Variants in OR7E24 observed in about 807,000 individuals in gnomAD.
OR7E24 encodes the protein olfactory receptor family 7 subfamily E member 24, also known as olfactory receptor 7E24.
For missense variants in OR7E24, 385 were observed against 410.3 expected (o/e 0.94, Z 0.53); for synonymous variants, 130 against 157.5 (o/e 0.83, Z 1.31).
upstream of OR7E24, chr19:9,247,225 G>A: frequency 2.7e-6 from 1 of 364,238 alleles, no homozygotes; most frequent in Non-Finnish European, 4.9e-6. Flanking sequence ...TGTTAATATG[G>A]GGCAGTCCTT....
At chr19:9,220,964 G>C in the OR7E24 span, among the ~76,000 whole-genome samples, 1 of 152,092 alleles carries the variant, frequency 6.6e-6, no homozygotes, top group Admixed American at 6.5e-5. Context: ...GATGATTAGT[G>C]AAGTTAAACC....
At chr19:9,243,599 G>A (rs2066121819), upstream of OR7E24, among the ~76,000 whole-genome samples, 1 of 152,134 alleles carries the variant, frequency 6.6e-6, no homozygotes, top group Non-Finnish European at 1.5e-5. Context: ...GTGAACCACT[G>A]CACCTGGCAG....
chr19:9,217,575 G>A, the OR7E24 span, among the ~76,000 whole-genome samples: 74 of 152,274 alleles, frequency 4.9e-4, no homozygotes, highest in African/African-American at 1.7e-3. Flanking sequence ...ATCTCGATCT[G>A]TTGCCCAGGC....
At chr19:9,229,998 G>A in the OR7E24 span, among the ~76,000 whole-genome samples, 5 of 151,992 alleles carry the variant, frequency 3.3e-5, no homozygotes, top group South Asian at 1.0e-3. Context: ...AGAGTAATAA[G>A]CCTAGACAGT....
At chr19:9,211,124 C>G in the OR7E24 span, 3 of 152,320 alleles carry the variant, frequency 2.0e-5, no homozygotes, top group Admixed American at 6.5e-5. Context: ...TCCCTTGCTT[C>G]CCTGCACTGA....
At chr19:9,230,335 G>A in the OR7E24 span, among the ~76,000 whole-genome samples, 5 of 152,074 alleles carry the variant, frequency 3.3e-5, no homozygotes, top group Non-Finnish European at 5.9e-5. Flanking sequence ...GTGAGCCACC[G>A]CGCCCAGCCT....
At chr19:9,237,126 A>G in the OR7E24 span, among the ~76,000 whole-genome samples, 1 of 152,140 alleles carries the variant, frequency 6.6e-6, no homozygotes, top group African/African-American at 2.4e-5. Context: ...TGGTTCATTC[A>G]TAAAATTCAT....
chr19:9,249,341 T>G (rs187507982), upstream of OR7E24, among the ~76,000 whole-genome samples: 107 of 152,304 alleles, frequency 7.0e-4, no homozygotes, highest in African/African-American at 2.4e-3. Context: ...CCTTCCTTAG[T>G]TCACAAAACT....
At chr19:9,236,591 T>G in the OR7E24 span, among the ~76,000 whole-genome samples, 1 of 147,896 alleles carries the variant, frequency 6.8e-6, no homozygotes, top group African/African-American at 2.5e-5. Context: ...TGGCCAAAAC[T>G]GCAATGACTT....
the OR7E24 span, chr19:9,214,022 G>T: frequency 6.2e-7 from 1 of 1,614,104 alleles, no homozygotes; most frequent in Non-Finnish European, 8.5e-7. Context: ...CTGAGGCGGT[G>T]GAGCTGCTCT....
At chr19:9,226,776 T>C in the OR7E24 span, among the ~76,000 whole-genome samples, 1 of 152,360 alleles carries the variant, frequency 6.6e-6, no homozygotes, top group Admixed American at 6.5e-5. Context: ...TTACAGCCTT[T>C]AGAAGCCAAG....
the OR7E24 span, among the ~76,000 whole-genome samples, chr19:9,233,739 C>T: frequency 2.0e-5 from 3 of 152,208 alleles, no homozygotes; most frequent in African/African-American, 4.8e-5. Context: ...ATGTTAAGAA[C>T]GGAAGCTCAC....
chr19:9,241,623 G>T, the OR7E24 span, among the ~76,000 whole-genome samples: 1 of 152,128 alleles, frequency 6.6e-6, no homozygotes, highest in South Asian at 2.1e-4. Context: ...AATTAGCTGG[G>T]TGTGGTGGTG....
At position 9,252,225 on chromosome 19, in the gene OR7E24, G is replaced by T; in HGVS notation, c.*162G>T. 1 of 605,460 alleles carries T rather than the reference G, an allele frequency of 1.7e-6. No individual in the cohort carries two copies. The highest frequency in any genetic ancestry group is 2.9e-5 in the East Asian group (1 of 34,880). 37.5% of individuals were successfully genotyped at this position (605,460 alleles called of 1,614,324 possible). ...ATGGGTGAGTATTCTGGTATCCTTT[G>T]TTCATCATACACATCATGAATGATT... On this transcript the variant is annotated 3_prime_UTR_variant, in exon 1 of 1. Transcript: ENST00000456448.
chr19:9,226,960 A>G, the OR7E24 span, among the ~76,000 whole-genome samples: 8 of 152,098 alleles, frequency 5.3e-5, no homozygotes, highest in Non-Finnish European at 1.2e-4. Context: ...ACTGGGTCAT[A>G]GGGGTTTGTT....
chr19:9,226,887 C>T, the OR7E24 span, among the ~76,000 whole-genome samples: 1 of 152,120 alleles, frequency 6.6e-6, no homozygotes, highest in Non-Finnish European at 1.5e-5. Context: ...ACTTTCCACC[C>T]TTGATTTTTT....
chr19:9,215,432 C>T, the OR7E24 span, among the ~76,000 whole-genome samples: 1 of 148,834 alleles, frequency 6.7e-6, no homozygotes, highest in Non-Finnish European at 1.5e-5. Context: ...AAATCAATTT[C>T]TTCTTTGGTG....
chr19:9,223,462 A>G, the OR7E24 span, among the ~76,000 whole-genome samples: 3,090 of 152,238 alleles, frequency 0.02, 75 homozygotes, highest in African/African-American at 0.058. Context: ...CCAGTCCTCT[A>G]TGTCCATCTA....
chr19:9,246,137 T>G (rs2066129108), upstream of OR7E24, among the ~76,000 whole-genome samples: 1 of 126,172 alleles, frequency 7.9e-6, no homozygotes, highest in Non-Finnish European at 1.6e-5. Flanking sequence ...TGGCGCGATC[T>G]CAGCTCACTG....
Sources: allele counts gnomAD v4.1 joint callset (sites outside exome capture counted in the v4.1 genomes callset), GRCh38; gene constraint gnomAD v4.1.1; transcripts MANE v1.5; gene names NCBI Gene and HGNC (gene_info 2026-07-23, HGNC 2026-07-21).